Variants in C7orf57 observed in about 807,000 individuals in gnomAD.
The protein encoded by C7orf57 is chromosome 7 open reading frame 57, also known as uncharacterized protein C7orf57.
Under a neutral mutation model 39.0 loss-of-function variants are expected in C7orf57, and 33 were observed. That is an observed-to-expected ratio of 0.85 (90% CI 0.64 to 1.13). The LOEUF (loss-of-function observed/expected upper bound fraction) is 1.13, where lower values mean the gene tolerates loss of function less well. C7orf57 is among the 50% of genes most tolerant of loss of function. C7orf57 has a pLI of 0.00. For missense variants in C7orf57, 346 were observed against 362.3 expected (o/e 0.95, Z 0.37); for synonymous variants, 124 against 137.1 (o/e 0.90, Z 0.67).
rs1790341915 is a variant in C7orf57 at position 48,035,941 on chromosome 7, T to G, written c.-101-267T>G. On this transcript the variant is annotated intron_variant, in intron 1 of 8. Coordinates refer to ENST00000348904, the MANE Select transcript of C7orf57 (RefSeq NM_001100159.3). This position sits in a 1 kb window ranked among gnomAD's most constrained non-coding sequence, Gnocchi z 4.0. ...ACGTGTCTCTGCTGAATACCCCGCGTGAATGTGCCCCTGCTGTGTACCCGG... is the reference window on the plus strand; with the variant it reads ...ACGTGTCTCTGCTGAATACCCCGCGGGAATGTGCCCCTGCTGTGTACCCGG... Among the ~76,000 whole-genome samples the G allele has an allele frequency of 6.6e-6, 1 of 151,710 alleles. No homozygotes were observed. Among genetic ancestry groups the G allele is most frequent in the Non-Finnish European group, 1.5e-5 (1 of 67,932 alleles).
intron 4 of C7orf57, among the ~76,000 whole-genome samples, chr7:48,044,203 G>C (rs1039570643): frequency 6.6e-6 from 1 of 152,210 alleles, no homozygotes; most frequent in Admixed American, 6.5e-5. Context: ...GATCCGGAGA[G>C]GTGGAAATTA....
At chr7:48,048,458 C>CG (rs1562627560) in intron 5 of C7orf57, among the ~76,000 whole-genome samples, 1 of 152,148 alleles carries the variant, frequency 6.6e-6, no homozygotes, top group Admixed American at 6.5e-5. Flanking sequence ...ACAGGGTGAT[C>CG]GGGGGATCTT....
chr7:48,048,061 C>G (rs1261925266), intron 5 of C7orf57, among the ~76,000 whole-genome samples: 1 of 152,112 alleles, frequency 6.6e-6, no homozygotes, highest in Non-Finnish European at 1.5e-5. Flanking sequence ...AAGTTAGTAC[C>G]CATTTACAAA....
intron 2 of C7orf57, among the ~76,000 whole-genome samples, chr7:48,040,209 A>T (rs1225127306): frequency 6.6e-6 from 1 of 152,160 alleles, no homozygotes; most frequent in Non-Finnish European, 1.5e-5. Flanking sequence ...GGCCTTAGGG[A>T]GCCTCATGGC....
At chr7:48,037,548 C>G (rs1411113720) in intron 2 of C7orf57, among the ~76,000 whole-genome samples, 1 of 152,086 alleles carries the variant, frequency 6.6e-6, no homozygotes, top group Non-Finnish European at 1.5e-5. Flanking sequence ...GCTGGGGGAT[C>G]TTCAGTTCAT....
intron 2 of C7orf57, among the ~76,000 whole-genome samples, chr7:48,037,104 A>G (rs1790394443): frequency 6.6e-6 from 1 of 152,258 alleles, no homozygotes; most frequent in East Asian, 1.9e-4. Flanking sequence ...TACTCTAAAC[A>G]TGCTGCTAGC....
At chr7:48,039,352 G>A (rs182990269) in intron 2 of C7orf57, among the ~76,000 whole-genome samples, 1 of 152,258 alleles carries the variant, frequency 6.6e-6, no homozygotes, top group East Asian at 1.9e-4. Context: ...CTGTTTTAAT[G>A]ATAATGCTGG....
At position 48,036,225 on chromosome 7, in the gene C7orf57, T is replaced by G. The variant is rs1680832486; in HGVS notation, c.-84T>G. 2.8e-6 allele frequency: 4 copies of G among 1,450,882 alleles called. No individual in the cohort carries two copies. Among genetic ancestry groups the G allele is most frequent in the Non-Finnish European group, 3.8e-6 (4 of 1,055,648 alleles). The allele number at this position is 1,450,882 out of a possible 1,614,324, so 89.9% of individuals were successfully genotyped here. A position where few individuals can be genotyped will look rare whatever the true frequency, so the allele number is the denominator to read the frequency against. ...TTTTGCAGCTGCAGCTCCTGGCAAC[T>G]GGTCAAGCAGGCAGCGTCCAGCGCA... On this transcript the variant is annotated 5_prime_UTR_variant, in exon 2 of 9. Transcript: ENST00000348904.
chr7:48,055,781 C>T (rs1375737472), intron 8 of C7orf57, among the ~76,000 whole-genome samples: 1 of 152,168 alleles, frequency 6.6e-6, no homozygotes, highest in Non-Finnish European at 1.5e-5. Flanking sequence ...TCCATGTTGT[C>T]ACAAATGACA....
At position 48,043,527 on chromosome 7, in the gene C7orf57, G is replaced by T; in HGVS notation, c.288G>T (p.Val96=). 6.2e-7 allele frequency: 1 copy of T among 1,613,864 alleles called. No individual in the cohort carries two copies. The highest frequency in any genetic ancestry group is 1.1e-5 in the South Asian group (1 of 91,066). ...CTGGAACCAGGAAAGGCTCTCCAGT[G>T]GCCTACTCCCTGCCAGACTGGTATA... ...FAPGTRKGSP[V]AYSLPDWYIH... Residue 96 remains valine, a synonymous_variant, in exon 4 of 9, where the codon GTG becomes GTT. Transcript: ENST00000348904.
Position 48,036,353 on chromosome 7 carries a change from C to G in C7orf57, c.45C>G (p.Tyr15Ter), listed in dbSNP as rs368113912. The G allele has an allele frequency of 6.3e-7, 1 of 1,587,834 alleles. No homozygotes were observed. Among genetic ancestry groups the G allele is most frequent in the African/African-American group, 1.3e-5 (1 of 74,512 alleles). ...AACTTCAGGGCGCCACGCACCGCTA[C>G]GCTCCCTGCGGTGAGTGCGCCCTGA... ...SKELQGATHR[Y>*]APCDWYYHVP... is the part of the protein sequence containing the mutation. Residue 15 changes from tyrosine to a stop codon, truncating the protein, a stop_gained, in exon 2 of 9, where the codon TAC becomes TAG. Transcript: ENST00000348904. LOFTEE classifies it high-confidence loss of function.
chr7:48,051,347 ATTTTTTTTT>A (rs71006546), intron 6 of C7orf57, among the ~76,000 whole-genome samples: 1 of 69,770 alleles, frequency 1.4e-5, no homozygotes, highest in Non-Finnish European at 2.6e-5. Context: ...CAGCTGGCTA[ATTTTTTTTT>A]TTTTTTTTTT....
intron 2 of C7orf57, 105 bp downstream of exon 2, chr7:48,036,468 G>A (rs1156576111): frequency 2.7e-6 from 3 of 1,102,134 alleles, no homozygotes; most frequent in Middle Eastern, 2.3e-4. Flanking sequence ...CTGGAGGGGG[G>A]TGTGAACGAT....
At chr7:48,046,324 A>AAAGGAGGGAGACAGTGAGAG in intron 4 of C7orf57, 136 bp from the exon 5 acceptor site, 1 of 730,426 alleles carries the variant, frequency 1.4e-6, no homozygotes. Flanking sequence ...AGGAGAAAGG[A>AAAGGAGGGAGACAGTGAGAG]AAGGAGGGAG....
intron 6 of C7orf57, among the ~76,000 whole-genome samples, chr7:48,051,851 CTTTCTTTCTTTCTT>C (rs751210804): frequency 3.0e-5 from 2 of 65,592 alleles, no homozygotes; most frequent in Non-Finnish European, 5.7e-5. Context: ...TTCTTTCTTT[CTTTCTTTCTTTCTT>C]TCTTTCTCTT....
rs372903964 is a variant in C7orf57, at chr7:48,041,458, A to T, written c.180A>T (p.Arg60Ser). 1 of 1,613,810 alleles carries T rather than the reference A, an allele frequency of 6.2e-7. No individual in the cohort carries two copies. Among genetic ancestry groups the T allele is most frequent in the African/African-American group, 1.3e-5 (1 of 75,034 alleles). ...SHSENLPGTR[R>S]YWIKETDSEY... ...GCGAGAACCTGCCTGGGACTCGGAGATACTGGATAAAAGAAACAGATTCGG... is the reference window on the plus strand; with the variant it reads ...GCGAGAACCTGCCTGGGACTCGGAGTTACTGGATAAAAGAAACAGATTCGG... The change falls in exon 3 of 9, where the codon AGA becomes AGT. Residue 60 changes from arginine (R) to serine (S), a missense_variant. Arg to Ser is a moderately radical substitution (Grantham distance 110). Coordinates refer to ENST00000348904, the MANE Select transcript of C7orf57 (RefSeq NM_001100159.3).
intron 5 of C7orf57, among the ~76,000 whole-genome samples, chr7:48,048,225 G>A (rs888438354): frequency 3.3e-5 from 5 of 152,170 alleles, no homozygotes; most frequent in African/African-American, 9.7e-5. Flanking sequence ...GATGAGCACC[G>A]CATCGGGATG....
At chr7:48,053,661 G>A (rs142411529) in intron 7 of C7orf57, among the ~76,000 whole-genome samples, 5 of 151,946 alleles carry the variant, frequency 3.3e-5, no homozygotes, top group Admixed American at 6.6e-5. Context: ...ATATTGCCCC[G>A]GCTGGTCTCA....
Position 48,051,859 on chromosome 7 carries a change from CTTT to C in C7orf57, c.606-840_606-838del, listed in dbSNP as rs1562630307. On this transcript the variant is annotated intron_variant, in intron 6 of 8. Transcript: ENST00000348904. The stretch of plus-strand genomic sequence containing the variant: ...TCTTTCTTTCTTTCTTTCTTTCTTT[CTTT>C]CTTTCTTTCTCTTTCTCTTTCTTTC... Among the ~76,000 whole-genome samples, 46 of 62,340 alleles carry C rather than the reference CTTT, an allele frequency of 7.4e-4. 1 individual carries two copies. The highest frequency in any genetic ancestry group is 2.2e-3 in the African/African-American group (27 of 12,212). 40.9% of individuals were successfully genotyped at this position (62,340 alleles called of 152,430 possible).
Sources: allele counts gnomAD v4.1 joint callset (sites outside exome capture counted in the v4.1 genomes callset), GRCh38; gene constraint gnomAD v4.1.1; non-coding constraint Gnocchi (gnomAD v3.1); transcripts MANE v1.5; gene names NCBI Gene and HGNC (gene_info 2026-07-23, HGNC 2026-07-21).